The following TOGARAM1 variants were observed in gnomAD, a reference collection of about 807,000 sequenced individuals.
TOGARAM1 encodes the protein TOG array regulator of axonemal microtubules protein 1.
TOGARAM1 carries 100 observed loss-of-function variants against 166.6 expected under a neutral mutation model. That is an observed-to-expected ratio of 0.60 (90% CI 0.51 to 0.71). The LOEUF is 0.71. TOGARAM1 is among the 30% of genes least tolerant of loss of function. TOGARAM1 has a pLI of 0.00. For missense variants in TOGARAM1, 2,029 were observed against 2,102.7 expected, an observed-to-expected ratio of 0.96 and a Z score of 0.69; for synonymous variants, 758 against 763.8, an observed-to-expected ratio of 0.99 and a Z score of 0.13.
At chr14:45,022,194 C>T (rs999123337) in intron 7 of TOGARAM1, among the ~76,000 whole-genome samples, 18 of 151,846 alleles carry the variant, frequency 1.2e-4, no homozygotes, top group Admixed American at 8.5e-4. Flanking sequence ...CTGTAAGCCT[C>T]GGGGAAGTCC....
At chr14:44,991,766 A>G (rs1480788698) in intron 1 of TOGARAM1, among the ~76,000 whole-genome samples, 1 of 151,908 alleles carries the variant, frequency 6.6e-6, no homozygotes, top group Non-Finnish European at 1.5e-5. Flanking sequence ...AAGAATGTTT[A>G]CATATAGAAA....
intron 11 of TOGARAM1, among the ~76,000 whole-genome samples, chr14:45,034,545 T>C (rs574221626): frequency 6.6e-6 from 1 of 152,242 alleles, no homozygotes; most frequent in East Asian, 1.9e-4. Flanking sequence ...CAAGGAACAA[T>C]GTCAGGAGCA....
At chr14:45,019,937 A>G (rs769373454) in intron 7 of TOGARAM1, among the ~76,000 whole-genome samples, 4 of 152,120 alleles carry the variant, frequency 2.6e-5, no homozygotes, top group Non-Finnish European at 5.9e-5. Flanking sequence ...GGGAGGGGTG[A>G]CTTCAGTGTC....
chr14:44,989,161 T>C (rs929958589), intron 1 of TOGARAM1, among the ~76,000 whole-genome samples: 6 of 152,252 alleles, frequency 3.9e-5, no homozygotes, highest in African/African-American at 1.4e-4. Flanking sequence ...TTTTTTTCGA[T>C]GTCCATATCT....
At chr14:45,051,878 A>G (rs898285510) in intron 14 of TOGARAM1, among the ~76,000 whole-genome samples, 2 of 152,112 alleles carry the variant, frequency 1.3e-5, no homozygotes, top group African/African-American at 4.8e-5. Flanking sequence ...TTCTTAACTT[A>G]CAATGAGGTT....
chr14:45,028,348 T>C lies in TOGARAM1; in HGVS notation c.3658+19T>C, dbSNP rs780105458. ...TCTGAAAGTAAGTGGAATTTAAGTT[T>C]TGGTATTTTTTTTTTCTAGTAATTG... On this transcript the variant is annotated intron_variant, in intron 10 of 19. Transcript: ENST00000361462. 5 of 1,579,848 alleles carry C rather than the reference T, an allele frequency of 3.2e-6. No individual in the cohort carries two copies. The highest frequency in any genetic ancestry group is 4.3e-6 in the Non-Finnish European group (5 of 1,171,048).
At chr14:45,049,492 C>A (rs1163378243) in intron 14 of TOGARAM1, among the ~76,000 whole-genome samples, 1 of 152,148 alleles carries the variant, frequency 6.6e-6, no homozygotes, top group African/African-American at 2.4e-5. Flanking sequence ...ATCTCCTGAC[C>A]TTGTGATCCG....
Position 45,066,657 on chromosome 14 carries a change from A to G in TOGARAM1, c.4639A>G (p.Ile1547Val), listed in dbSNP as rs1316864162. The G allele has an allele frequency of 1.2e-6, 2 of 1,613,806 alleles. No homozygotes were observed. Among genetic ancestry groups the G allele is most frequent in the African/African-American group, 2.7e-5 (2 of 75,066 alleles). Residue 1547 changes from isoleucine to valine, a missense_variant, in exon 17 of 20, where the codon ATA becomes GTA. Ile to Val is a conservative substitution (Grantham distance 29). Coordinates refer to ENST00000361462, the MANE Select transcript of TOGARAM1 (RefSeq NM_001308120.2). ...SLESAEYLKL[I>V]TGLLNAKDFR... is the part of the protein sequence containing the mutation. ...AGAAAGTGCTGAGTACCTTAAACTCATAACTGGCTTATTAAATGCAAAAGA... is the reference window on the plus strand; with the variant it reads ...AGAAAGTGCTGAGTACCTTAAACTCGTAACTGGCTTATTAAATGCAAAAGA...
chr14:45,035,964 G>A lies in TOGARAM1; in HGVS notation c.3812+3588G>A, dbSNP rs1439197337. 4.1e-4 allele frequency among the ~76,000 whole-genome samples: 58 copies of A among 141,378 alleles called. 1 individual carries two copies. The South Asian group carries it at 9.7e-3, about 24-fold the overall frequency. 92.7% of individuals were successfully genotyped at this position (141,378 alleles called of 152,430 possible). A position where few individuals can be genotyped will look rare whatever the true frequency, so the allele number is the denominator to read the frequency against. On this transcript the variant is annotated intron_variant, in intron 11 of 19. Transcript: ENST00000361462. ...TCATCTCTAGAAAAAAAAAAAAAAA[G>A]AAAGAAAAAAAATTTAAAATCTGGA...
rs962372933 is a variant in TOGARAM1, at chr14:45,024,034, C to G, written c.3239-1749C>G. ...GGGATTACAGGCGTGAGCCACCATGCCTGGCCCCATAGCATAACTTTTAAG... is the reference window on the plus strand; with the variant it reads ...GGGATTACAGGCGTGAGCCACCATGGCTGGCCCCATAGCATAACTTTTAAG... On this transcript the variant is annotated intron_variant, in intron 7 of 19. Transcript: ENST00000361462. Among the ~76,000 whole-genome samples the G allele has an allele frequency of 2.6e-5, 4 of 152,340 alleles. No homozygotes were observed. The East Asian group carries it at 7.7e-4, about 29-fold the overall frequency.
At chr14:45,039,295 T>G (rs1760763644) in intron 11 of TOGARAM1, among the ~76,000 whole-genome samples, 1 of 152,118 alleles carries the variant, frequency 6.6e-6, no homozygotes, top group South Asian at 2.1e-4. Context: ...ACGTGCATAT[T>G]GATTGGTCCG....
chr14:45,059,766 G>T (rs952389241), intron 16 of TOGARAM1, among the ~76,000 whole-genome samples: 2 of 152,044 alleles, frequency 1.3e-5, no homozygotes, highest in African/African-American at 4.8e-5. Context: ...TTCTGTATTT[G>T]TTTATCTTTG....
At chr14:44,998,538 A>G (rs1019706365) in intron 2 of TOGARAM1, among the ~76,000 whole-genome samples, 1 of 152,242 alleles carries the variant, frequency 6.6e-6, no homozygotes, top group East Asian at 1.9e-4. Context: ...TAACTGAGGC[A>G]GGAAGATCAC....
intron 14 of TOGARAM1, among the ~76,000 whole-genome samples, chr14:45,050,191 T>C (rs186425799): frequency 6.6e-5 from 10 of 152,332 alleles, no homozygotes; most frequent in Admixed American, 6.5e-4. Flanking sequence ...GTAATATTTA[T>C]TCTCTGACAT....
intron 1 of TOGARAM1, among the ~76,000 whole-genome samples, chr14:44,971,948 G>A (rs1025378230): frequency 2.0e-5 from 3 of 152,150 alleles, no homozygotes; most frequent in African/African-American, 4.8e-5. Flanking sequence ...GGTAGACCTC[G>A]GAAATTTACA....
At position 45,004,382 on chromosome 14, in the gene TOGARAM1, T is replaced by G. The variant is rs1887848592; in HGVS notation, c.2644+16T>G. ...AGAAATCATGGTAAAAGTCAATACT[T>G]TGTTCAAATTTATTTGTGTTTGAAT... On this transcript the variant is annotated intron_variant, in intron 4 of 19. Transcript: ENST00000361462. 5.6e-6 allele frequency: 9 copies of G among 1,602,872 alleles called. No individual in the cohort carries two copies. In the African/African-American group the frequency reaches 9.4e-5, roughly 17 times the overall value.
At chr14:44,969,145 C>CTTTCTTT (rs1555341651) in intron 1 of TOGARAM1, among the ~76,000 whole-genome samples, 5 of 116,320 alleles carry the variant, frequency 4.3e-5, no homozygotes, top group East Asian at 4.8e-4. Flanking sequence ...TTCCTTCCTT[C>CTTTCTTT]CTTTCTTTCT....
intron 16 of TOGARAM1, among the ~76,000 whole-genome samples, chr14:45,063,838 C>T (rs1018292429): frequency 4.6e-5 from 7 of 152,126 alleles, no homozygotes; most frequent in Admixed American, 2.0e-4. Context: ...ATTTTCAATT[C>T]GGCCTTGACC....
chr14:45,071,063 A>G (rs1883357162), intron 18 of TOGARAM1, among the ~76,000 whole-genome samples: 1 of 152,058 alleles, frequency 6.6e-6, no homozygotes, highest in Admixed American at 6.6e-5. Context: ...CTGGGATTAC[A>G]GGCACGCACC....
Sources: gnomAD v4.1 joint callset for allele counts (sites outside exome capture counted in the v4.1 genomes callset) on GRCh38, gnomAD v4.1.1 for gene constraint, MANE v1.5 for transcripts, NCBI Gene and HGNC (gene_info 2026-07-23, HGNC 2026-07-21) for gene names.